CDKAL1: variants seen among roughly 807,000 people sequenced by gnomAD.
CDKAL1 encodes threonylcarbamoyladenosine tRNA methylthiotransferase.
In CDKAL1, 32 loss-of-function variants were observed where a neutral mutation model predicts 68.2. That is an observed-to-expected ratio of 0.47 (90% CI 0.35 to 0.63). CDKAL1 has a LOEUF of 0.63. CDKAL1 is among the 30% of genes least tolerant of loss of function. CDKAL1 has a pLI of 0.00. For synonymous variants in CDKAL1, 234 were observed against 244.3 expected, an observed-to-expected ratio of 0.96 and a Z score of 0.39; for missense variants, 606 against 696.7, an observed-to-expected ratio of 0.87 and a Z score of 1.47.
intron 10 of CDKAL1, among the ~76,000 whole-genome samples, chr6:20,967,236 A>G (rs1237469319): frequency 2.0e-5 from 3 of 152,152 alleles, no homozygotes; most frequent in Non-Finnish European, 2.9e-5. Context: ...TTTCCAAGTA[A>G]TGTCACATTC....
chr6:20,554,135 T>A (rs1763944160), intron 4 of CDKAL1, among the ~76,000 whole-genome samples: 1 of 152,236 alleles, frequency 6.6e-6, no homozygotes, highest in African/African-American at 2.4e-5. Context: ...AAATAAACTA[T>A]TACAAAATCG....
chr6:20,537,837 T>G (rs1414876417), intron 2 of CDKAL1, among the ~76,000 whole-genome samples: 1 of 152,184 alleles, frequency 6.6e-6, no homozygotes, highest in Non-Finnish European at 1.5e-5. Flanking sequence ...ATTCTCAAAC[T>G]TTCATTTCCA....
At chr6:21,179,490 A>G (rs1777707407) in intron 13 of CDKAL1, among the ~76,000 whole-genome samples, 1 of 152,190 alleles carries the variant, frequency 6.6e-6, no homozygotes, top group Non-Finnish European at 1.5e-5. Flanking sequence ...GGGAGGGTGT[A>G]TTTTAATAAT....
chr6:20,790,694 AC>A (rs1775863110), intron 8 of CDKAL1, among the ~76,000 whole-genome samples: 1 of 152,116 alleles, frequency 6.6e-6, no homozygotes, highest in Admixed American at 6.5e-5. Context: ...GCTTACACTG[AC>A]AATTAGAAGG....
At chr6:20,809,019 C>T (rs1465185197) in intron 8 of CDKAL1, among the ~76,000 whole-genome samples, 1 of 152,140 alleles carries the variant, frequency 6.6e-6, no homozygotes, top group Non-Finnish European at 1.5e-5. Flanking sequence ...AAGGCAAAGA[C>T]CATACATGCA....
At chr6:20,771,580 A>C (rs894631992) in intron 7 of CDKAL1, among the ~76,000 whole-genome samples, 4 of 152,174 alleles carry the variant, frequency 2.6e-5, no homozygotes, top group Admixed American at 2.0e-4. Context: ...AAGTGAGTGC[A>C]ACATAGTTTG....
At chr6:20,854,419 A>C (rs1323282234) in intron 9 of CDKAL1, among the ~76,000 whole-genome samples, 1 of 152,224 alleles carries the variant, frequency 6.6e-6, no homozygotes, top group Non-Finnish European at 1.5e-5. Flanking sequence ...TTTTCCATTC[A>C]TTCAACAAAT....
At chr6:20,592,694 C>T (rs1265200856) in intron 4 of CDKAL1, among the ~76,000 whole-genome samples, 1 of 152,034 alleles carries the variant, frequency 6.6e-6, no homozygotes, top group East Asian at 1.9e-4. Context: ...GTCTAGAACT[C>T]CTGACCGTGT....
intron 4 of CDKAL1, among the ~76,000 whole-genome samples, chr6:20,625,093 G>C (rs1767368517): frequency 6.6e-6 from 1 of 152,080 alleles, no homozygotes. Flanking sequence ...AAACTCTGAA[G>C]AATTCTGGGT....
chr6:21,181,287 G>A (rs181930733), intron 13 of CDKAL1, among the ~76,000 whole-genome samples: 10 of 152,304 alleles, frequency 6.6e-5, no homozygotes, highest in African/African-American at 2.2e-4. Flanking sequence ...AGTTTTGGAG[G>A]AGACATTTAG....
At chr6:21,099,052 A>G (rs1177684995) in intron 12 of CDKAL1, among the ~76,000 whole-genome samples, 2 of 152,288 alleles carry the variant, frequency 1.3e-5, no homozygotes, top group East Asian at 3.9e-4. Context: ...GTGGCTTCAC[A>G]TTCTCATCAC....
intron 8 of CDKAL1, among the ~76,000 whole-genome samples, chr6:20,810,216 A>G (rs981484702): frequency 6.6e-5 from 10 of 152,128 alleles, no homozygotes; most frequent in African/African-American, 1.2e-4. Context: ...GGGCAATCCA[A>G]ATTATTTTAT....
In CDKAL1 at chr6:20,758,662, A is replaced by T. The variant is rs753248250; in HGVS notation, c.517+19A>T. ...ATTAAAGGTAATCGTTGAAAGTGAGATAAACAGATGTATATATTTTCTGAA... is the reference window on the plus strand; with the variant it reads ...ATTAAAGGTAATCGTTGAAAGTGAGTTAAACAGATGTATATATTTTCTGAA... On this transcript the variant is annotated intron_variant, in intron 7 of 15. Transcript: ENST00000274695. 4 of 1,588,812 alleles carry T rather than the reference A, an allele frequency of 2.5e-6. No individual in the cohort carries two copies. The East Asian group carries it at 9.0e-5, about 36-fold the overall frequency.
chr6:20,630,683 A>T (rs1166887037), intron 4 of CDKAL1, among the ~76,000 whole-genome samples: 1 of 152,204 alleles, frequency 6.6e-6, no homozygotes, highest in Admixed American at 6.5e-5. Context: ...GACATCCCAT[A>T]TCACAGTACC....
chr6:20,892,525 A>G (rs1194778955), intron 9 of CDKAL1, among the ~76,000 whole-genome samples: 2 of 152,182 alleles, frequency 1.3e-5, no homozygotes, highest in Non-Finnish European at 2.9e-5. Flanking sequence ...CAGGGGTGAT[A>G]CTAGTTGAAG....
intron 7 of CDKAL1, among the ~76,000 whole-genome samples, chr6:20,768,025 T>C (rs979277378): frequency 2.0e-5 from 3 of 152,184 alleles, no homozygotes; most frequent in African/African-American, 7.2e-5. Context: ...AATAAAGAAA[T>C]AGGAATTAAA....
chr6:20,791,217 G>GATA (rs1296826661), intron 8 of CDKAL1, among the ~76,000 whole-genome samples: 2 of 152,214 alleles, frequency 1.3e-5, no homozygotes, highest in Non-Finnish European at 2.9e-5. Flanking sequence ...AAGTGATGAT[G>GATA]ATAATAATAG....
At chr6:20,692,297 G>GT (rs774257240) in intron 5 of CDKAL1, among the ~76,000 whole-genome samples, 1 of 152,192 alleles carries the variant, frequency 6.6e-6, no homozygotes. Context: ...AGTGTTCTCA[G>GT]TTTGTTACTC....
chr6:20,729,946 C>T (rs1243064477), intron 5 of CDKAL1, among the ~76,000 whole-genome samples: 10 of 152,146 alleles, frequency 6.6e-5, no homozygotes, highest in Admixed American at 1.3e-4. Flanking sequence ...GACTAAAATA[C>T]GCCAAAATCC....
Sources: allele counts gnomAD v4.1 joint callset (sites outside exome capture counted in the v4.1 genomes callset), GRCh38; gene constraint gnomAD v4.1.1; transcripts MANE v1.5; gene names NCBI Gene and HGNC (gene_info 2026-07-23, HGNC 2026-07-21).